Variants in ADAMTSL3 observed in about 807,000 individuals in gnomAD.
ADAMTSL3 encodes the protein ADAMTS-like protein 3.
Under a neutral mutation model 201.7 loss-of-function variants are expected in ADAMTSL3, and 128 were observed. The ratio of observed to expected loss-of-function variants is 0.63; its 90% CI spans 0.55 to 0.73. ADAMTSL3 has a LOEUF of 0.73. ADAMTSL3 is among the 30% of genes least tolerant of loss of function. The probability of loss-of-function intolerance (pLI) is 0.00; values close to 1 mark genes in which losing one functional copy is unlikely to be tolerated. For synonymous variants in ADAMTSL3, 738 were observed against 748.4 expected (o/e 0.99, Z 0.23); for missense variants, 1,990 against 2,119.6 (o/e 0.94, Z 1.20).
chr15:83,713,641 G>T (rs945999615), intron 3 of ADAMTSL3, among the ~76,000 whole-genome samples: 1 of 152,090 alleles, frequency 6.6e-6, no homozygotes, highest in East Asian at 1.9e-4. Flanking sequence ...AAGTTAATTT[G>T]CTGGCCAGCA....
intron 19 of ADAMTSL3, among the ~76,000 whole-genome samples, chr15:83,945,397 T>C (rs1437048376): frequency 6.6e-6 from 1 of 152,190 alleles, no homozygotes; most frequent in African/African-American, 2.4e-5. Context: ...GAGCTTTGTG[T>C]GCAAAAGTGG....
intron 19 of ADAMTSL3, among the ~76,000 whole-genome samples, chr15:83,946,268 G>A (rs940416968): frequency 6.6e-6 from 1 of 152,192 alleles, no homozygotes; most frequent in Admixed American, 6.5e-5. Flanking sequence ...CTCTCTCAGT[G>A]AATAACTGAA....
intron 3 of ADAMTSL3, among the ~76,000 whole-genome samples, chr15:83,733,155 C>T (rs1051894810): frequency 1.3e-5 from 2 of 152,110 alleles, no homozygotes; most frequent in Non-Finnish European, 2.9e-5. Flanking sequence ...TCCTTAAACC[C>T]TCCGAAACAA....
At chr15:83,669,315 T>A (rs2061291691) in intron 2 of ADAMTSL3, among the ~76,000 whole-genome samples, 1 of 151,714 alleles carries the variant, frequency 6.6e-6, no homozygotes, top group Non-Finnish European at 1.5e-5. Flanking sequence ...GCGGCTAATT[T>A]TTGTATTTTT....
In ADAMTSL3 at chr15:83,899,225, C is replaced by T. The variant is rs575581308; in HGVS notation, c.1616-422C>T. ...CTATAACACAGACTCCTTCATCCCC[C>T]CTAACTTTCTTAACTTTCATATTAT... On this transcript the variant is annotated intron_variant, in intron 14 of 29. Transcript: ENST00000286744. 1.9e-3 allele frequency among the ~76,000 whole-genome samples: 283 copies of T among 152,262 alleles called. 1 individual carries two copies. The highest frequency in any genetic ancestry group is 6.6e-3 in the African/African-American group (275 of 41,546).
intron 7 of ADAMTSL3, among the ~76,000 whole-genome samples, chr15:83,844,467 A>AT (rs1232982500): frequency 6.6e-6 from 1 of 152,226 alleles, no homozygotes; most frequent in African/African-American, 2.4e-5. Context: ...GGTAACATGA[A>AT]TTGGTTTTCA....
intron 4 of ADAMTSL3, among the ~76,000 whole-genome samples, chr15:83,784,307 C>T (rs1186760758): frequency 6.6e-6 from 1 of 152,174 alleles, no homozygotes; most frequent in Non-Finnish European, 1.5e-5. Context: ...TCATCTGCCA[C>T]TCTAATGTAG....
At chr15:83,821,981 T>A (rs1223868128) in intron 6 of ADAMTSL3, among the ~76,000 whole-genome samples, 1 of 135,642 alleles carries the variant, frequency 7.4e-6, no homozygotes, top group Non-Finnish European at 1.6e-5. Flanking sequence ...CGGACGGGGC[T>A]GCTGGCCGGG....
intron 4 of ADAMTSL3, among the ~76,000 whole-genome samples, chr15:83,799,976 G>C (rs1218196841): frequency 6.6e-6 from 1 of 152,070 alleles, no homozygotes; most frequent in African/African-American, 2.4e-5. Context: ...TTTTATGTCT[G>C]TTTCATAAAG....
intron 27 of ADAMTSL3, among the ~76,000 whole-genome samples, chr15:84,029,451 G>C (rs1767948929): frequency 6.6e-6 from 1 of 152,174 alleles, no homozygotes; most frequent in Non-Finnish European, 1.5e-5. Flanking sequence ...AGATGATTTA[G>C]GGTATCTGGT....
intron 7 of ADAMTSL3, among the ~76,000 whole-genome samples, chr15:83,846,138 C>T (rs2064492206): frequency 6.6e-6 from 1 of 152,138 alleles, no homozygotes; most frequent in South Asian, 2.1e-4. Context: ...TGCTGACCAG[C>T]TGAGAGCACT....
chr15:83,674,933 A>G (rs894079120), intron 2 of ADAMTSL3, among the ~76,000 whole-genome samples: 13 of 151,518 alleles, frequency 8.6e-5, no homozygotes, highest in African/African-American at 3.1e-4. Context: ...GACTTCTATC[A>G]TAATGTTTTG....
chr15:83,856,338 A>C (rs1422961328), intron 7 of ADAMTSL3, among the ~76,000 whole-genome samples: 1 of 151,506 alleles, frequency 6.6e-6, no homozygotes, highest in Non-Finnish European at 1.5e-5. Flanking sequence ...CACATTAAAA[A>C]AAAATTATAA....
rs76466285 is a variant in ADAMTSL3 at position 83,965,899 on chromosome 15, A to G, written c.2491-4585A>G. Reference sequence around the variant, plus strand: ...GACACTCACTCAAAACTGCACAACTACATGGAAACTGAAGAACCTGCTCCT... The same window carrying G: ...GACACTCACTCAAAACTGCACAACTGCATGGAAACTGAAGAACCTGCTCCT... On this transcript the variant is annotated intron_variant, in intron 19 of 29. Transcript: ENST00000286744. Among the ~76,000 whole-genome samples the G allele has an allele frequency of 6.2e-4, 95 of 152,340 alleles. No homozygotes were observed. The East Asian group carries it at 0.011, about 17-fold the overall frequency.
At chr15:83,794,768 G>A (rs1397099255) in intron 4 of ADAMTSL3, among the ~76,000 whole-genome samples, 1 of 152,086 alleles carries the variant, frequency 6.6e-6, no homozygotes, top group Non-Finnish European at 1.5e-5. Flanking sequence ...TTGTATTCTT[G>A]TAGCAGAGTT....
chr15:83,952,104 C>A (rs2142064967), intron 19 of ADAMTSL3, among the ~76,000 whole-genome samples: 1 of 152,130 alleles, frequency 6.6e-6, no homozygotes. Flanking sequence ...CTATAAATGT[C>A]CCTCTTAGTG....
chr15:83,696,310 A>G lies in ADAMTSL3; in HGVS notation c.70-8079A>G, dbSNP rs115542108. ...CTGCAGTGCGGCCTTGACCTCCTGG[A>G]CTCAAGTGATCCTCCTGCCTCGGCT... On this transcript the variant is annotated intron_variant, in intron 2 of 29. Transcript: ENST00000286744. 8.5e-3 allele frequency among the ~76,000 whole-genome samples: 1,287 copies of G among 152,224 alleles called. 16 individuals carry two copies. The highest frequency in any genetic ancestry group is 0.028 in the African/African-American group (1,143 of 41,530).
chr15:83,832,026 C>T (rs1028038658), intron 6 of ADAMTSL3, among the ~76,000 whole-genome samples: 1 of 151,930 alleles, frequency 6.6e-6, no homozygotes, highest in African/African-American at 2.4e-5. Flanking sequence ...ACAGATTGCT[C>T]GTGGACAAGG....
chr15:83,832,282 T>C (rs1196190910), intron 6 of ADAMTSL3, among the ~76,000 whole-genome samples: 1 of 152,194 alleles, frequency 6.6e-6, no homozygotes, highest in Non-Finnish European at 1.5e-5. Context: ...TTCTTATTAA[T>C]GGTCTAAATC....
Sources: gnomAD v4.1 joint callset for allele counts (sites outside exome capture counted in the v4.1 genomes callset) on GRCh38, gnomAD v4.1.1 for gene constraint, MANE v1.5 for transcripts, NCBI Gene and HGNC (gene_info 2026-07-23, HGNC 2026-07-21) for gene names.